PARD3: variants seen among roughly 807,000 people sequenced by gnomAD.
PARD3 encodes partitioning defective 3 homolog.
In PARD3, 75 loss-of-function variants were observed where a neutral mutation model predicts 155.4. The observed-to-expected ratio is 0.48, with a 90% CI of 0.40 to 0.58. The LOEUF is 0.58. Ranked by LOEUF, PARD3 falls within the 20% of genes least tolerant of loss-of-function variation. The pLI, the probability that PARD3 is intolerant of heterozygous loss-of-function variation, is 0.00. For synonymous variants in PARD3, 576 were observed against 610.5 expected (o/e 0.94, Z 0.83); for missense variants, 1,642 against 1,721.7 (o/e 0.95, Z 0.82).
chr10:34,344,430 G>T, intron 15 of PARD3: 2 of 502,248 alleles, frequency 4.0e-6, no homozygotes, highest in African/African-American at 2.1e-5. Flanking sequence ...CTACGGGTGT[G>T]CAACACAACA....
At position 34,582,495 on chromosome 10, in the gene PARD3, C is replaced by T. The variant is rs145581175; in HGVS notation, c.223-65336G>A. Among the ~76,000 whole-genome samples the T allele has an allele frequency of 1.6e-3, 237 of 152,330 alleles. 1 individual carries two copies. The highest frequency in any genetic ancestry group is 5.1e-3 in the African/African-American group (211 of 41,580). ...ATATCCTCTTGTAGCCACTTGTCCA[C>T]AAATCACTTCAGGTATCGCTTTTAT... is the stretch of plus-strand genomic sequence containing the variant. On this transcript the variant is annotated intron_variant, in intron 2 of 24. Coordinates refer to ENST00000374788, the MANE Select transcript of PARD3 (RefSeq NM_001184785.2).
chr10:34,674,116 C>A (rs1396251261), intron 2 of PARD3, among the ~76,000 whole-genome samples: 1 of 151,914 alleles, frequency 6.6e-6, no homozygotes, highest in East Asian at 1.9e-4. Flanking sequence ...ATGAACAGTT[C>A]TGTACTCAAA....
chr10:34,145,221 A>ATATATTTT (rs1491430560), intron 22 of PARD3, among the ~76,000 whole-genome samples: 1 of 33,970 alleles, frequency 2.9e-5, no homozygotes, highest in Non-Finnish European at 5.0e-5. Context: ...ATATATATAT[A>ATATATTTT]TTTTTTTTTT....
chr10:34,540,330 T>C (rs56740525), intron 2 of PARD3, among the ~76,000 whole-genome samples: 1 of 144,306 alleles, frequency 6.9e-6, no homozygotes, highest in Non-Finnish European at 1.5e-5. Flanking sequence ...CACACTATAT[T>C]AAAAAAAAAA....
At chr10:34,312,283 G>C in intron 20 of PARD3, 1 of 1,604,656 alleles carries the variant, frequency 6.2e-7, no homozygotes, top group South Asian at 1.1e-5. Flanking sequence ...TAAATTTATT[G>C]TTTGTTTAAA....
chr10:34,657,188 A>C (rs986909410), intron 2 of PARD3, among the ~76,000 whole-genome samples: 1 of 152,076 alleles, frequency 6.6e-6, no homozygotes, highest in Non-Finnish European at 1.5e-5. Flanking sequence ...TGAGGCCATA[A>C]GTTTGAGATC....
chr10:34,575,594 T>C (rs1251377383), intron 2 of PARD3, among the ~76,000 whole-genome samples: 2 of 152,046 alleles, frequency 1.3e-5, no homozygotes, highest in Non-Finnish European at 2.9e-5. Flanking sequence ...CCAGTGACAC[T>C]TGTAGAAAAT....
chr10:34,211,899 A>T (rs1951773590), intron 22 of PARD3, among the ~76,000 whole-genome samples: 1 of 152,022 alleles, frequency 6.6e-6, no homozygotes, highest in African/African-American at 2.4e-5. Context: ...TATCCCAAAG[A>T]TCTTCCCAAG....
At chr10:34,501,678 T>C (rs1249938485) in intron 3 of PARD3, among the ~76,000 whole-genome samples, 5 of 151,978 alleles carry the variant, frequency 3.3e-5, no homozygotes, top group Non-Finnish European at 5.9e-5. Context: ...CTACCGTAAA[T>C]ATTTAAATGC....
In PARD3 at chr10:34,111,069, T is replaced by C; in HGVS notation, c.*100A>G. ...GCACTGATACCAACAACAGAAATAC[T>C]CCATAGTACCATCGAGGTTTTAAAA... On this transcript the variant is annotated 3_prime_UTR_variant, in exon 25 of 25. Transcript: ENST00000374788. 4 of 1,294,044 alleles carry C rather than the reference T, an allele frequency of 3.1e-6. No homozygotes were observed. The South Asian group carries it at 5.0e-5, about 16-fold the overall frequency. 80.2% of individuals were successfully genotyped at this position (1,294,044 alleles called of 1,614,324 possible).
chr10:34,390,090 A>G (rs1407487556), intron 7 of PARD3, among the ~76,000 whole-genome samples: 2 of 152,206 alleles, frequency 1.3e-5, no homozygotes, highest in Non-Finnish European at 2.9e-5. Context: ...TGATTCAGCA[A>G]ATAAAGTTAA....
At chr10:34,632,038 T>C (rs965250132) in intron 2 of PARD3, among the ~76,000 whole-genome samples, 1 of 152,140 alleles carries the variant, frequency 6.6e-6, no homozygotes, top group East Asian at 1.9e-4. Flanking sequence ...TCCCAGCACT[T>C]TGGAAGGGGG....
intron 5 of PARD3, among the ~76,000 whole-genome samples, chr10:34,413,106 T>A: frequency 6.7e-6 from 1 of 149,280 alleles, no homozygotes; most frequent in African/African-American, 2.5e-5. Flanking sequence ...AGAAATTTTC[T>A]CTCTTGAAAA....
At chr10:34,202,616 A>G (rs970266113) in intron 22 of PARD3, among the ~76,000 whole-genome samples, 3 of 152,222 alleles carry the variant, frequency 2.0e-5, no homozygotes, top group African/African-American at 7.2e-5. Context: ...ACTTTGCTCA[A>G]CATATCTGAG....
At chr10:34,676,839 G>A (rs894159855) in intron 2 of PARD3, among the ~76,000 whole-genome samples, 3 of 152,102 alleles carry the variant, frequency 2.0e-5, no homozygotes, top group East Asian at 1.9e-4. Flanking sequence ...ATGATTTTTC[G>A]AAAGGGAAGA....
chr10:34,260,372 A>G (rs1440049897), intron 22 of PARD3, among the ~76,000 whole-genome samples: 1 of 152,220 alleles, frequency 6.6e-6, no homozygotes, highest in Admixed American at 6.5e-5. Flanking sequence ...CAGAGGAGAC[A>G]CTGACGGAGC....
At chr10:34,630,256 C>T (rs1479362115) in intron 2 of PARD3, among the ~76,000 whole-genome samples, 2 of 152,208 alleles carry the variant, frequency 1.3e-5, no homozygotes, top group Admixed American at 6.5e-5. Flanking sequence ...CATCCACGAC[C>T]AGGCCTTGCC....
intron 1 of PARD3, among the ~76,000 whole-genome samples, chr10:34,714,975 T>C (rs1209049247): frequency 6.6e-6 from 1 of 151,998 alleles, no homozygotes; most frequent in Admixed American, 6.6e-5. Context: ...CGTCTCACCA[T>C]GTTGGCCAGG....
chr10:34,740,254 C>A (rs1564567268), intron 1 of PARD3, among the ~76,000 whole-genome samples: 1 of 152,340 alleles, frequency 6.6e-6, no homozygotes, highest in African/African-American at 2.4e-5. Context: ...GGAGAGCCCC[C>A]TGGGAGCTGA....
Sources: gnomAD v4.1 joint callset for allele counts (sites outside exome capture counted in the v4.1 genomes callset) on GRCh38, gnomAD v4.1.1 for gene constraint, MANE v1.5 for transcripts, NCBI Gene and HGNC (gene_info 2026-07-23, HGNC 2026-07-21) for gene names.